The following PHLDB2 variants were observed in gnomAD, a reference collection of about 807,000 sequenced individuals.
PHLDB2 encodes pleckstrin homology-like domain family B member 2.
Under a neutral mutation model 123.6 loss-of-function variants are expected in PHLDB2, and 71 were observed. The observed-to-expected ratio is 0.57, with a 90% CI of 0.47 to 0.70. PHLDB2 has a LOEUF of 0.70. PHLDB2 is among the 30% of genes least tolerant of loss of function. The pLI, the probability that PHLDB2 is intolerant of heterozygous loss-of-function variation, is 0.00. For missense variants in PHLDB2, 1,446 were observed against 1,519.5 expected (o/e 0.95, Z 0.80); for synonymous variants, 547 against 541.6 (o/e 1.01, Z -0.14).
At chr3:111,854,541 A>G (rs1294225546), upstream of PHLDB2, among the ~76,000 whole-genome samples, 4 of 152,238 alleles carry the variant, frequency 2.6e-5, no homozygotes, top group Non-Finnish European at 4.4e-5. Context: ...TTGTTAGGCT[A>G]TCATTGCAGA....
rs2066094171 is a variant in PHLDB2 at position 111,885,209 on chromosome 3, G to A, written c.1132G>A (p.Ala378Thr). ...LLAGESDRVF[A>T]TRRNFSCGSV... The stretch of plus-strand genomic sequence containing the variant: ...TGCTGGAGAGTCAGACAGAGTTTTT[G>A]CGACCAGGAGGAACTTCTCTTGTGG... The change falls in exon 2 of 18, where the codon GCG (alanine) becomes ACG (threonine). Residue 378 changes from alanine (A) to threonine (T), a missense_variant. Physicochemically the swap from Ala to Thr is moderately conservative, Grantham distance 58 (BLOSUM62 0). This residue lies in a region of PHLDB2 where 832 missense variants were observed against 831.9 expected (regional missense o/e 1.00). Transcript: ENST00000431670. The A allele has an allele frequency of 6.2e-7, 1 of 1,614,132 alleles. No individual in the cohort carries two copies. Among genetic ancestry groups the A allele is most frequent in the Non-Finnish European group, 8.5e-7 (1 of 1,180,020 alleles).
chr3:111,787,337 C>A (rs2060725701), intron 1 of PHLDB2, among the ~76,000 whole-genome samples: 1 of 152,168 alleles, frequency 6.6e-6, no homozygotes, highest in Non-Finnish European at 1.5e-5. Context: ...CTATAGCATG[C>A]TATTTAATCA....
chr3:111,764,878 CAG>C (rs1214977307), intron 1 of PHLDB2, among the ~76,000 whole-genome samples: 3 of 152,176 alleles, frequency 2.0e-5, no homozygotes, highest in Admixed American at 6.5e-5. Context: ...TTTGATGAGT[CAG>C]ACTCTGTCTT....
chr3:111,911,665 G>A, intron 2 of PHLDB2: 1 of 1,536,326 alleles, frequency 6.5e-7, no homozygotes, highest in Non-Finnish European at 8.7e-7. Context: ...CCTGCCGTGG[G>A]AAGAGGCCAT....
At chr3:111,890,755 A>G (rs981087705) in intron 2 of PHLDB2, among the ~76,000 whole-genome samples, 5 of 152,210 alleles carry the variant, frequency 3.3e-5, no homozygotes, top group Non-Finnish European at 7.3e-5. Context: ...CCAAGGGCCT[A>G]TTAATGAGGT....
chr3:111,938,629 T>G (rs2069654478), intron 6 of PHLDB2, among the ~76,000 whole-genome samples: 1 of 152,096 alleles, frequency 6.6e-6, no homozygotes, highest in Admixed American at 6.6e-5. Flanking sequence ...CTAATTTTTT[T>G]CTGCACAGTC....
rs181579894 is a variant in PHLDB2, at chr3:111,779,075, C to T, written c.-49+46372C>T. ...AACTCAGGTTTCTGGGCCCTACCTT[C>T]GGAGTTTCTGACTCGGTAGGTCTGG... is the stretch of plus-strand genomic sequence containing the variant. On this transcript the variant is annotated intron_variant, in intron 1 of 17. Transcript: ENST00000393923. Among the ~76,000 whole-genome samples the T allele has an allele frequency of 1.1e-4, 17 of 152,118 alleles. No homozygotes were observed. The East Asian group carries it at 1.2e-3, about 10-fold the overall frequency.
chr3:111,925,933 G>T (rs1018242991), intron 5 of PHLDB2, among the ~76,000 whole-genome samples: 1 of 152,204 alleles, frequency 6.6e-6, no homozygotes, highest in African/African-American at 2.4e-5. Context: ...CAAGTCAGTT[G>T]TACCAAAATT....
chr3:111,913,282 C>T (rs752732633), intron 2 of PHLDB2, 37 bp from the exon 3 acceptor site: 3 of 1,513,694 alleles, frequency 2.0e-6, no homozygotes. Flanking sequence ...TTCATTCTCA[C>T]AAACCCACTG....
At chr3:111,810,340 C>A (rs2061776088) in intron 1 of PHLDB2, among the ~76,000 whole-genome samples, 2 of 152,146 alleles carry the variant, frequency 1.3e-5, no homozygotes, top group Non-Finnish European at 2.9e-5. Flanking sequence ...GCTGCCATAA[C>A]AAATACTATA....
At chr3:111,968,346 G>C (rs1004207403) in intron 15 of PHLDB2, among the ~76,000 whole-genome samples, 3 of 152,202 alleles carry the variant, frequency 2.0e-5, no homozygotes, top group Non-Finnish European at 4.4e-5. Context: ...ATTGTCACAT[G>C]TGTTCCCTTT....
intron 1 of PHLDB2, among the ~76,000 whole-genome samples, chr3:111,862,212 G>T (rs999887986): frequency 6.6e-6 from 1 of 152,150 alleles, no homozygotes. Context: ...CCTTAGCAGG[G>T]AGGCAGTGCT....
chr3:111,922,620 G>A (rs1232442302), intron 5 of PHLDB2, among the ~76,000 whole-genome samples: 3 of 152,208 alleles, frequency 2.0e-5, no homozygotes, highest in Non-Finnish European at 4.4e-5. Flanking sequence ...AGAAGAGGAT[G>A]TGGGAAGTGG....
chr3:111,937,891 A>G (rs1316630948), intron 6 of PHLDB2, among the ~76,000 whole-genome samples: 1 of 152,218 alleles, frequency 6.6e-6, no homozygotes, highest in Non-Finnish European at 1.5e-5. Context: ...CAAAAAGTAT[A>G]TTAGAGAATA....
rs2072464963 is a variant in PHLDB2, at chr3:111,975,799, G to A, written c.*1236G>A. ...TGAATGTGCTCTTTCCTAAAACATG[G>A]CAAATGAATAGATGTAGAGAATAAC... On this transcript the variant is annotated 3_prime_UTR_variant, in exon 18 of 18. Coordinates refer to ENST00000431670, the MANE Select transcript of PHLDB2 (RefSeq NM_001134438.2). 6.6e-6 allele frequency: 1 copy of A among 152,492 alleles called. No individual in the cohort carries two copies. The highest frequency in any genetic ancestry group is 6.5e-5 in the Admixed American group (1 of 15,270). 9.4% of individuals were successfully genotyped at this position (152,492 alleles called of 1,614,324 possible).
chr3:111,842,595 C>T (rs2063742616), intron 1 of PHLDB2, among the ~76,000 whole-genome samples: 1 of 152,038 alleles, frequency 6.6e-6, no homozygotes, highest in Non-Finnish European at 1.5e-5. Flanking sequence ...TTTTAAAAAA[C>T]AGCTTTTATT....
intron 1 of PHLDB2, among the ~76,000 whole-genome samples, chr3:111,879,028 C>G (rs145379245): frequency 0.023 from 3,567 of 152,184 alleles, 58 homozygotes; most frequent in Non-Finnish European, 0.031. Context: ...TTTGATGTGT[C>G]TCTGCCAGGT....
At chr3:111,891,742 A>G (rs1272248586) in intron 2 of PHLDB2, among the ~76,000 whole-genome samples, 1 of 152,144 alleles carries the variant, frequency 6.6e-6, no homozygotes, top group Non-Finnish European at 1.5e-5. Context: ...AAGTCATTAT[A>G]AAGTAGGGTA....
chr3:111,748,572 A>G (rs1389426149), intron 1 of PHLDB2, among the ~76,000 whole-genome samples: 2 of 151,970 alleles, frequency 1.3e-5, no homozygotes, highest in Non-Finnish European at 2.9e-5. Flanking sequence ...CCCAGACTGG[A>G]GTACAGTGGC....
Sources: gnomAD v4.1 joint callset for allele counts (sites outside exome capture counted in the v4.1 genomes callset) on GRCh38, gnomAD v4.1.1 for gene constraint, gnomAD v4.1.1 regional missense constraint, MANE v1.5 for transcripts, NCBI Gene and HGNC (gene_info 2026-07-23, HGNC 2026-07-21) for gene names.